Variants in NTM observed in about 807,000 individuals in gnomAD.
NTM encodes the protein neurotrimin, also known as IgLON family member 2.
In NTM, 13 loss-of-function variants were observed where a neutral mutation model predicts 42.1. The ratio of observed to expected loss-of-function variants is 0.31; its 90% confidence interval spans 0.20 to 0.49. The LOEUF is 0.49. Ranked by LOEUF, NTM falls within the 20% of genes least tolerant of loss-of-function variation. NTM has a pLI of 0.99. For synonymous variants in NTM, 187 were observed against 179.2 expected (o/e 1.04, Z -0.35); for missense variants, 373 against 452.8 (o/e 0.82, Z 1.60).
At chr11:131,615,031 T>A (rs2061789812) in intron 1 of NTM, among the ~76,000 whole-genome samples, 1 of 151,824 alleles carries the variant, frequency 6.6e-6, no homozygotes, top group Admixed American at 6.6e-5. Context: ...CAGACAGAGG[T>A]TTTTCCCCTT....
intron 3 of NTM, among the ~76,000 whole-genome samples, chr11:132,190,291 G>A (rs144642842): frequency 3.9e-3 from 598 of 152,286 alleles, no homozygotes; most frequent in African/African-American, 0.011. Context: ...GAAGCTATGT[G>A]AGGTAGCATA....
At position 131,740,504 on chromosome 11, in the gene NTM, C is replaced by T. The variant is rs142696392; in HGVS notation, c.83-171060C>T. ...GGACAAGGGTAGGACACTAATTAAA[C>T]GATGTGTGTCATTTTTGATGGCTCA... On this transcript the variant is annotated intron_variant, in intron 1 of 8. Transcript: ENST00000683400. 1.3e-4 allele frequency among the ~76,000 whole-genome samples: 20 copies of T among 152,308 alleles called. No individual in the cohort carries two copies. The East Asian group carries it at 2.5e-3, about 19-fold the overall frequency.
At chr11:131,400,113 AC>A (rs1041118218) in intron 1 of NTM, among the ~76,000 whole-genome samples, 2 of 151,658 alleles carry the variant, frequency 1.3e-5, no homozygotes, top group South Asian at 2.1e-4. Flanking sequence ...TACCCTACCC[AC>A]CCCCCATCAG....
chr11:132,152,108 C>G (rs1050279403), intron 3 of NTM, among the ~76,000 whole-genome samples: 12 of 152,238 alleles, frequency 7.9e-5, no homozygotes, highest in African/African-American at 1.9e-4. Context: ...CCTCCCCACT[C>G]TGAATCTGAA....
intron 1 of NTM, among the ~76,000 whole-genome samples, chr11:131,598,919 C>CCTTCCTTCCTTCCTTCCTTT (rs1414778593): frequency 7.1e-6 from 1 of 139,870 alleles, no homozygotes; most frequent in Non-Finnish European, 1.5e-5. Context: ...TTCCTTCCTT[C>CCTTCCTTCCTTCCTTCCTTT]CTTCTTTCCT....
intron 1 of NTM, among the ~76,000 whole-genome samples, chr11:131,381,691 C>T (rs921985063): frequency 1.9e-4 from 29 of 152,302 alleles, no homozygotes; most frequent in African/African-American, 6.7e-4. Flanking sequence ...GGCAACAATG[C>T]CATCTGAACT....
intron 2 of NTM, among the ~76,000 whole-genome samples, chr11:132,118,434 C>A (rs1362492796): frequency 6.6e-6 from 1 of 152,148 alleles, no homozygotes; most frequent in Non-Finnish European, 1.5e-5. Flanking sequence ...GTGCAGATGG[C>A]AGAGAATAAA....
chr11:131,386,109 C>T (rs1446521053), intron 1 of NTM, among the ~76,000 whole-genome samples: 1 of 152,158 alleles, frequency 6.6e-6, no homozygotes, highest in Non-Finnish European at 1.5e-5. Flanking sequence ...ACAATGAGGT[C>T]TATGCATAAA....
At chr11:131,995,506 G>T (rs1484660882) in intron 2 of NTM, among the ~76,000 whole-genome samples, 2 of 152,152 alleles carry the variant, frequency 1.3e-5, no homozygotes, top group Non-Finnish European at 2.9e-5. Context: ...GAGGCATCAA[G>T]AATGAGGAGT....
At chr11:132,031,995 T>C (rs2075984387) in intron 2 of NTM, among the ~76,000 whole-genome samples, 1 of 152,184 alleles carries the variant, frequency 6.6e-6, no homozygotes, top group Admixed American at 6.5e-5. Context: ...AGTCTTTCTT[T>C]ATTTTTATTA....
chr11:131,688,043 C>G (rs1295387010), intron 1 of NTM, among the ~76,000 whole-genome samples: 1 of 152,262 alleles, frequency 6.6e-6, no homozygotes, highest in Non-Finnish European at 1.5e-5. Context: ...TATTATTGCA[C>G]TGACACTGCA....
chr11:132,066,538 GC>G lies in NTM; in HGVS notation c.168-79741del, dbSNP rs1426425218. Among the ~76,000 whole-genome samples, 9 of 152,280 alleles carry G rather than the reference GC, an allele frequency of 5.9e-5. No homozygotes were observed. The East Asian group carries it at 1.7e-3, about 29-fold the overall frequency. On this transcript the variant is annotated intron_variant, in intron 2 of 8. Coordinates refer to ENST00000683400, the MANE Select transcript of NTM (RefSeq NM_001352005.2). ...AAGTGTATTCTCTCACAGTTCTGGA[GC>G]CCAGAAGTCCAAACTCAACTTCACT...
chr11:131,974,565 C>T (rs889035439), intron 2 of NTM, among the ~76,000 whole-genome samples: 2 of 152,102 alleles, frequency 1.3e-5, no homozygotes, highest in African/African-American at 4.8e-5. Flanking sequence ...GAGAGGTGCA[C>T]AAAAGATACG....
At chr11:131,522,345 C>G (rs553542018) in intron 1 of NTM, among the ~76,000 whole-genome samples, 13 of 42,374 alleles carry the variant, frequency 3.1e-4, no homozygotes, top group African/African-American at 1.1e-3. Flanking sequence ...ACAGTATTTG[C>G]AGAACAACAA....
intron 2 of NTM, chr11:131,981,044 C>CT (rs1207453836): frequency 6.6e-6 from 1 of 152,002 alleles, no homozygotes; most frequent in Non-Finnish European, 1.5e-5. Flanking sequence ...TGAGGTAATC[C>CT]TTTTATAACC....
At chr11:132,019,001 G>T (rs1390757056) in intron 2 of NTM, among the ~76,000 whole-genome samples, 3 of 151,926 alleles carry the variant, frequency 2.0e-5, no homozygotes, top group Non-Finnish European at 4.4e-5. Flanking sequence ...TCGGCATAAG[G>T]TTGTTAATAG....
intron 2 of NTM, among the ~76,000 whole-genome samples, chr11:132,036,633 T>C (rs566688494): frequency 1.6e-4 from 24 of 152,294 alleles, no homozygotes; most frequent in African/African-American, 5.5e-4. Context: ...CCCTCCACTC[T>C]AACTCATTTC....
At chr11:131,814,145 G>T (rs576360864) in intron 1 of NTM, among the ~76,000 whole-genome samples, 1 of 152,294 alleles carries the variant, frequency 6.6e-6, no homozygotes, top group South Asian at 2.1e-4. Flanking sequence ...TCTTCAGAAA[G>T]AATGTGCTCC....
intron 1 of NTM, among the ~76,000 whole-genome samples, chr11:131,404,999 C>A (rs926218499): frequency 3.9e-5 from 6 of 152,082 alleles, no homozygotes; most frequent in African/African-American, 1.4e-4. Flanking sequence ...TTCCGTATTC[C>A]CCTGCAAAAC....
Sources: gnomAD v4.1 joint callset for allele counts (sites outside exome capture counted in the v4.1 genomes callset) on GRCh38, gnomAD v4.1.1 for gene constraint, MANE v1.5 for transcripts, NCBI Gene and HGNC (gene_info 2026-07-23, HGNC 2026-07-21) for gene names.